Variants in FSTL4 observed in about 807,000 individuals in gnomAD.
FSTL4 encodes follistatin like 4.
A neutral mutation model predicts 78.2 loss-of-function variants in FSTL4; 28 were observed. That is an observed-to-expected ratio of 0.36 (90% CI 0.27 to 0.49). The LOEUF is 0.49. Ranked by LOEUF, FSTL4 falls within the 20% of genes least tolerant of loss-of-function variation. The pLI is 0.98. For synonymous variants in FSTL4, 422 were observed against 440.5 expected (o/e 0.96, Z 0.53); for missense variants, 922 against 1,084.9 (o/e 0.85, Z 2.11).
At position 133,199,522 on chromosome 5, in the gene FSTL4, A is replaced by G. The variant is rs970206742; in HGVS notation, c.2102T>C (p.Ile701Thr). The stretch of plus-strand genomic sequence containing the variant: ...GGGGCTGTCAGCTGCAGCACTGACT[A>G]TGAAGCGCCCGTCGGGGGATGTGTG... ...TPHTSPDGRF[I>T]VSAAADSPWL... The change falls in exon 16 of 16, where the codon ATA (isoleucine) becomes ACA (threonine). Residue 701 changes from isoleucine (I) to threonine (T), a missense_variant. Transcript: ENST00000265342. The surrounding 1 kb of genome is among the most constrained non-coding windows in gnomAD (Gnocchi z 4.4). The G allele has an allele frequency of 6.2e-7, 1 of 1,613,986 alleles. No homozygotes were observed. The highest frequency in any genetic ancestry group is 8.5e-7 in the Non-Finnish European group (1 of 1,179,954).
At chr5:133,753,728 T>TAC in the FSTL4 span, among the ~76,000 whole-genome samples, 14 of 24,570 alleles carry the variant, frequency 5.7e-4, no homozygotes, top group African/African-American at 1.5e-3. Context: ...TGTGTGTGTG[T>TAC]AGTGGCAGGG....
intron 3 of FSTL4, chr5:133,427,717 T>C (rs773307020): frequency 2.0e-6 from 1 of 511,402 alleles, no homozygotes. Flanking sequence ...CTGAGTTAGG[T>C]TACAAAGCTG....
chr5:133,727,488 C>T, the FSTL4 span, among the ~76,000 whole-genome samples: 83 of 152,300 alleles, frequency 5.4e-4, no homozygotes, highest in East Asian at 0.012. Flanking sequence ...GGACCAGTCA[C>T]CAAGGGCTGT....
the FSTL4 span, among the ~76,000 whole-genome samples, chr5:133,632,082 C>T: frequency 6.6e-6 from 1 of 152,092 alleles, no homozygotes; most frequent in Admixed American, 6.6e-5. Context: ...ACCACCATGG[C>T]ACATGTATAC....
At chr5:133,204,064 C>A (rs1658043032) in intron 14 of FSTL4, among the ~76,000 whole-genome samples, 1 of 152,154 alleles carries the variant, frequency 6.6e-6, no homozygotes, top group Non-Finnish European at 1.5e-5. Context: ...ATATGCCCAT[C>A]AGTTGGCAGG....
the FSTL4 span, among the ~76,000 whole-genome samples, chr5:133,776,192 C>T: frequency 6.6e-6 from 1 of 152,186 alleles, no homozygotes; most frequent in Non-Finnish European, 1.5e-5. Context: ...CTATATCACC[C>T]AAGTTCCCTT....
the FSTL4 span, among the ~76,000 whole-genome samples, chr5:133,806,060 T>C: frequency 6.6e-6 from 1 of 152,228 alleles, no homozygotes; most frequent in African/African-American, 2.4e-5. Flanking sequence ...TTTTCTTTTA[T>C]TTTCTATTCC....
At chr5:133,646,249 C>A in the FSTL4 span, among the ~76,000 whole-genome samples, 1 of 152,066 alleles carries the variant, frequency 6.6e-6, no homozygotes, top group African/African-American at 2.4e-5. Context: ...TGAGAGAGAA[C>A]CAGCCATAGA....
intron 3 of FSTL4, among the ~76,000 whole-genome samples, chr5:133,430,190 C>A (rs1332462825): frequency 6.6e-6 from 1 of 152,172 alleles, no homozygotes; most frequent in East Asian, 1.9e-4. Context: ...AACTTTGCAA[C>A]AGAGGAAACA....
chr5:133,759,987 C>G, the FSTL4 span, among the ~76,000 whole-genome samples: 7 of 152,242 alleles, frequency 4.6e-5, no homozygotes, highest in African/African-American at 1.4e-4. Context: ...ACCAAACAGG[C>G]TGAGCTCTTT....
chr5:133,217,355 T>C lies in FSTL4; in HGVS notation c.1482A>G (p.Glu494=). The change falls in exon 13 of 16, where the codon GAA becomes GAG. Residue 494 remains glutamate, a synonymous_variant. Transcript: ENST00000265342. The part of the protein sequence containing the change: ...MSYEEICPQR[E]KNATQPCQWV... ...ACTGGCAGGGCTGGGTTGCATTTTT[T>C]TCTCTTTGAGGACAGATTTCTTCCT... 1.2e-6 allele frequency: 2 copies of C among 1,614,186 alleles called. No individual in the cohort carries two copies. The highest frequency in any genetic ancestry group is 1.7e-6 in the Non-Finnish European group (2 of 1,180,022).
chr5:133,522,796 A>G (rs77921947), intron 3 of FSTL4, among the ~76,000 whole-genome samples: 1,933 of 152,322 alleles, frequency 0.013, 22 homozygotes, highest in Admixed American at 0.019. Context: ...ACACAACTCA[A>G]TGAGTCCGAG....
chr5:133,605,678 C>G (rs768312296), intron 1 of FSTL4, among the ~76,000 whole-genome samples: 9 of 152,158 alleles, frequency 5.9e-5, no homozygotes, highest in Non-Finnish European at 1.2e-4. Context: ...TGGCACTGGC[C>G]TATGAAAAGG....
chr5:133,767,112 A>G, the FSTL4 span, among the ~76,000 whole-genome samples: 1 of 152,226 alleles, frequency 6.6e-6, no homozygotes, highest in Non-Finnish European at 1.5e-5. Context: ...TAGTATATTT[A>G]GGAGGTGGTA....
the FSTL4 span, among the ~76,000 whole-genome samples, chr5:133,679,560 A>G: frequency 6.6e-6 from 1 of 152,206 alleles, no homozygotes; most frequent in African/African-American, 2.4e-5. Context: ...GGAAGCCAAG[A>G]AGGGACCTTC....
rs1162010887 is a variant in FSTL4 at position 133,588,333 on chromosome 5, T to C, written c.126+15525A>G. 1.6e-4 allele frequency among the ~76,000 whole-genome samples: 9 copies of C among 55,398 alleles called. 1 individual carries two copies. The highest frequency in any genetic ancestry group is 8.3e-4 in the African/African-American group (9 of 10,892). 36.3% of individuals were successfully genotyped at this position (55,398 alleles called of 152,430 possible). On this transcript the variant is annotated intron_variant, in intron 2 of 15. Transcript: ENST00000265342. ...TTCTGCACAGCAAAAGAAACTACCATGAGAGTGAACAGGCAACCTACAACA... is the reference window on the plus strand; with the variant it reads ...TTCTGCACAGCAAAAGAAACTACCACGAGAGTGAACAGGCAACCTACAACA...
intron 3 of FSTL4, among the ~76,000 whole-genome samples, chr5:133,530,720 C>T (rs530685311): frequency 3.9e-5 from 6 of 152,332 alleles, no homozygotes; most frequent in African/African-American, 1.4e-4. Context: ...CCTGCCCCGA[C>T]AACAGGGACC....
the FSTL4 span, among the ~76,000 whole-genome samples, chr5:133,650,063 C>T: frequency 3.9e-5 from 6 of 152,054 alleles, no homozygotes; most frequent in East Asian, 1.2e-3. Context: ...CCAATGTGTG[C>T]AAAGATCCCA....
At chr5:133,404,455 G>C (rs1370403129) in intron 3 of FSTL4, among the ~76,000 whole-genome samples, 1 of 152,182 alleles carries the variant, frequency 6.6e-6, no homozygotes, top group Non-Finnish European at 1.5e-5. Flanking sequence ...ATTTACTCAG[G>C]TTAAAAACTG....
Sources: allele counts gnomAD v4.1 joint callset (sites outside exome capture counted in the v4.1 genomes callset), GRCh38; gene constraint gnomAD v4.1.1; non-coding constraint Gnocchi (gnomAD v3.1); transcripts MANE v1.5; gene names NCBI Gene and HGNC (gene_info 2026-07-23, HGNC 2026-07-21).